Variants in MAGI1 observed in about 807,000 individuals in gnomAD.
The protein encoded by MAGI1 is membrane-associated guanylate kinase, WW and PDZ domain-containing protein 1.
Under a neutral mutation model 139.9 loss-of-function variants are expected in MAGI1, and 58 were observed. The observed-to-expected ratio is 0.41, with a 90% confidence interval of 0.34 to 0.52. The LOEUF is 0.52. MAGI1 is among the 20% of genes least tolerant of loss of function. MAGI1 has a pLI of 0.12. For missense variants in MAGI1, 1,874 were observed against 1,901.6 expected, an observed-to-expected ratio of 0.99 and a Z score of 0.27; for synonymous variants, 812 against 737.9, an observed-to-expected ratio of 1.10 and a Z score of -1.63.
At chr3:65,732,554 A>G (rs13092999) in intron 1 of MAGI1, among the ~76,000 whole-genome samples, 10,949 of 152,296 alleles carry the variant, frequency 0.072, 514 homozygotes, top group East Asian at 0.2. Flanking sequence ...ACAGTAAAGA[A>G]GAAAGACTGC....
chr3:65,967,190 G>A (rs1421251485), intron 1 of MAGI1, among the ~76,000 whole-genome samples: 12 of 152,134 alleles, frequency 7.9e-5, no homozygotes, highest in Non-Finnish European at 1.2e-4. Context: ...GCCCAAAAAG[G>A]TAGACAGAGT....
intron 1 of MAGI1, among the ~76,000 whole-genome samples, chr3:65,634,820 G>C (rs1189819139): frequency 1.3e-5 from 2 of 152,156 alleles, no homozygotes; most frequent in Non-Finnish European, 2.9e-5. Context: ...AACGAATGCT[G>C]ATAAGTGACA....
At chr3:65,444,210 C>A (rs954635010) in intron 7 of MAGI1, among the ~76,000 whole-genome samples, 1 of 152,172 alleles carries the variant, frequency 6.6e-6, no homozygotes, top group African/African-American at 2.4e-5. Flanking sequence ...AAATGCAAGA[C>A]AGGTCCAATT....
intron 18 of MAGI1, among the ~76,000 whole-genome samples, chr3:65,373,349 G>A (rs1942187161): frequency 6.6e-6 from 1 of 152,188 alleles, no homozygotes; most frequent in Non-Finnish European, 1.5e-5. Flanking sequence ...GTCATCTTAT[G>A]TGGGTATGGT....
At chr3:66,013,281 T>C (rs901290295) in intron 1 of MAGI1, among the ~76,000 whole-genome samples, 8 of 151,774 alleles carry the variant, frequency 5.3e-5, no homozygotes, top group African/African-American at 1.9e-4. Flanking sequence ...CACATGCCTG[T>C]AATCCCAGCT....
chr3:65,450,397 G>A (rs893631875), intron 6 of MAGI1, among the ~76,000 whole-genome samples: 1 of 152,210 alleles, frequency 6.6e-6, no homozygotes, highest in East Asian at 1.9e-4. Context: ...ATGGATCCAA[G>A]AGATATTTAG....
intron 2 of MAGI1, among the ~76,000 whole-genome samples, chr3:65,535,656 T>A (rs1487656099): frequency 6.6e-6 from 1 of 152,208 alleles, no homozygotes; most frequent in African/African-American, 2.4e-5. Flanking sequence ...TCAATGGCAT[T>A]CAAATACCAT....
chr3:65,752,118 T>A (rs922588210), intron 1 of MAGI1, among the ~76,000 whole-genome samples: 1 of 152,090 alleles, frequency 6.6e-6, no homozygotes, highest in South Asian at 2.1e-4. Context: ...TAAATTTTTT[T>A]TTGTATTTTT....
chr3:65,439,879 C>T lies in MAGI1; in HGVS notation c.1270G>A (p.Glu424Lys). 6.2e-7 allele frequency: 1 copy of T among 1,607,724 alleles called. No homozygotes were observed. The highest frequency in any genetic ancestry group is 1.1e-5 in the South Asian group (1 of 90,822). The change falls in exon 9 of 23, where the codon GAA becomes AAA. Residue 424 changes from glutamate to lysine, a missense_variant and splice_region_variant. This residue lies in a region of MAGI1 where 648 missense variants were observed against 598.1 expected (regional missense o/e 1.08). Transcript: ENST00000402939. ...QQQQQQQQTE[E>K]WTEDHSALVP... ...AAAAGCCTAGAGGAAAGAGGCCAAC[C>T]TTCTGTCTGCTGCTGCTGCTGCTGC...
intron 1 of MAGI1, among the ~76,000 whole-genome samples, chr3:65,869,360 C>T (rs565121035): frequency 6.9e-6 from 1 of 144,524 alleles, no homozygotes; most frequent in East Asian, 2.0e-4. Flanking sequence ...AAAGGCAAGA[C>T]TGGTTTTTTG....
intron 12 of MAGI1, among the ~76,000 whole-genome samples, chr3:65,428,212 T>C (rs1947206377): frequency 6.6e-6 from 1 of 152,190 alleles, no homozygotes; most frequent in Non-Finnish European, 1.5e-5. Flanking sequence ...AGTCTGGTTC[T>C]TGATCTCTTT....
At chr3:66,010,077 CAAAAAAAAAAA>C (rs60882502) in intron 1 of MAGI1, among the ~76,000 whole-genome samples, 4 of 69,780 alleles carry the variant, frequency 5.7e-5, no homozygotes, top group South Asian at 7.2e-4. Context: ...CTCTCTGTCT[CAAAAAAAAAAA>C]AAAAAAAAAA....
intron 1 of MAGI1, among the ~76,000 whole-genome samples, chr3:66,013,280 G>A (rs2067429901): frequency 6.6e-6 from 1 of 151,906 alleles, no homozygotes; most frequent in African/African-American, 2.4e-5. Context: ...GCACATGCCT[G>A]TAATCCCAGC....
intron 2 of MAGI1, among the ~76,000 whole-genome samples, chr3:65,580,826 A>T (rs1172489190): frequency 6.6e-6 from 1 of 152,178 alleles, no homozygotes; most frequent in Non-Finnish European, 1.5e-5. Flanking sequence ...TCCACACATT[A>T]ATGTGTACAT....
At chr3:65,781,991 A>G (rs1480655441) in intron 1 of MAGI1, among the ~76,000 whole-genome samples, 2 of 152,206 alleles carry the variant, frequency 1.3e-5, no homozygotes, top group African/African-American at 2.4e-5. Context: ...TCACTTTCCC[A>G]TATATTCTGG....
intron 2 of MAGI1, among the ~76,000 whole-genome samples, chr3:65,593,860 G>C (rs1221372190): frequency 6.6e-6 from 1 of 152,128 alleles, no homozygotes; most frequent in Non-Finnish European, 1.5e-5. Flanking sequence ...ACAAACAAAA[G>C]CCTCACAGAA....
intron 2 of MAGI1, among the ~76,000 whole-genome samples, chr3:65,553,840 T>C (rs2079966688): frequency 6.6e-6 from 1 of 152,222 alleles, no homozygotes; most frequent in Admixed American, 6.5e-5. Flanking sequence ...CTTGGGCTAA[T>C]TCTCAGTTTC....
chr3:65,462,841 G>T (rs1455145100), intron 5 of MAGI1, among the ~76,000 whole-genome samples: 1 of 152,062 alleles, frequency 6.6e-6, no homozygotes, highest in African/African-American at 2.4e-5. Context: ...CACATCCCTT[G>T]TAAGTTGTAT....
chr3:65,645,200 G>A (rs1246624156), intron 1 of MAGI1, among the ~76,000 whole-genome samples: 2 of 151,612 alleles, frequency 1.3e-5, no homozygotes, highest in Admixed American at 6.6e-5. Context: ...AAAAATAGAG[G>A]TTCAAGAAGG....
Sources: allele counts gnomAD v4.1 joint callset (sites outside exome capture counted in the v4.1 genomes callset), GRCh38; gene constraint gnomAD v4.1.1; regional missense constraint gnomAD v4.1.1; transcripts MANE v1.5; gene names NCBI Gene and HGNC (gene_info 2026-07-23, HGNC 2026-07-21).